The following USH2A variants were observed in gnomAD, a reference collection of about 807,000 sequenced individuals.
The protein encoded by USH2A is usherin, also known as Usher syndrome 2A (autosomal recessive, mild).
A neutral mutation model predicts 538.9 loss-of-function variants in USH2A; 443 were observed. The observed-to-expected ratio is 0.82, with a 90% CI of 0.76 to 0.89. The LOEUF (loss-of-function observed/expected upper bound fraction) is 0.89. Ranked by LOEUF, USH2A falls within the 40% of genes least tolerant of loss-of-function variation. USH2A has a pLI of 0.00. For synonymous variants in USH2A, 2,413 were observed against 2,273.5 expected (o/e 1.06, Z -1.75); for missense variants, 6,633 against 6,324.8 (o/e 1.05, Z -1.65).
chr1:216,251,442 CTTTTTT>C (rs779947689), intron 11 of USH2A, among the ~76,000 whole-genome samples: 1 of 80,386 alleles, frequency 1.2e-5, no homozygotes, highest in African/African-American at 4.4e-5. Flanking sequence ...ACCACTTCCC[CTTTTTT>C]TTTTTTTTTT....
rs574113589 is a variant in USH2A at position 216,158,306 on chromosome 1, G to C, written c.4627+16946C>G. 8.1e-4 allele frequency among the ~76,000 whole-genome samples: 123 copies of C among 152,116 alleles called. 1 individual carries two copies. Among genetic ancestry groups the C allele is most frequent in the Non-Finnish European group, 1.6e-3 (106 of 67,998 alleles). On this transcript the variant is annotated intron_variant, in intron 21 of 71. Transcript: ENST00000307340. ...GCTGGAGTGCAGTGGTGCAATCAAG[G>C]CTCACCGCAGCCTTGAACTCTTGGG...
At chr1:216,219,777 T>C (rs2035419378) in intron 14 of USH2A, among the ~76,000 whole-genome samples, 1 of 152,148 alleles carries the variant, frequency 6.6e-6, no homozygotes, top group African/African-American at 2.4e-5. Flanking sequence ...AAAACCTCGC[T>C]TGCTAAATGG....
At chr1:216,230,558 G>A (rs1256504864) in intron 14 of USH2A, among the ~76,000 whole-genome samples, 2 of 151,978 alleles carry the variant, frequency 1.3e-5, no homozygotes, top group African/African-American at 4.8e-5. Flanking sequence ...AATTTTAAAA[G>A]AAAGTCAAAA....
intron 41 of USH2A, among the ~76,000 whole-genome samples, chr1:215,886,134 C>T (rs1277868172): frequency 1.3e-5 from 2 of 152,158 alleles, no homozygotes; most frequent in African/African-American, 4.8e-5. Context: ...GTTAATATTA[C>T]TGTCAATTTC....
chr1:215,821,687 G>T (rs532624915), intron 47 of USH2A, among the ~76,000 whole-genome samples: 17 of 151,734 alleles, frequency 1.1e-4, no homozygotes, highest in Non-Finnish European at 2.2e-4. Flanking sequence ...CCTTTGCCTA[G>T]ATCATGTCTG....
At chr1:215,941,201 T>C (rs1372166052) in intron 37 of USH2A, among the ~76,000 whole-genome samples, 3 of 152,050 alleles carry the variant, frequency 2.0e-5, no homozygotes, top group Non-Finnish European at 4.4e-5. Context: ...ATCCTAAAAC[T>C]GCTCTAAAAA....
chr1:216,188,477 T>C (rs2034651474), intron 20 of USH2A, among the ~76,000 whole-genome samples: 1 of 151,796 alleles, frequency 6.6e-6, no homozygotes, highest in Non-Finnish European at 1.5e-5. Context: ...ATATGCAGCC[T>C]AAAGGAGAAA....
chr1:216,380,462 G>T (rs187329070), intron 3 of USH2A, among the ~76,000 whole-genome samples: 2 of 152,214 alleles, frequency 1.3e-5, no homozygotes, highest in African/African-American at 2.4e-5. Context: ...GCCAGTGTTT[G>T]TGTGTTTTTC....
At chr1:216,355,362 AGAAAGAAAGAAAGAAG>A (rs1335247682) in intron 4 of USH2A, among the ~76,000 whole-genome samples, 3 of 136,760 alleles carry the variant, frequency 2.2e-5, no homozygotes, top group African/African-American at 7.9e-5. Flanking sequence ...AAAGAAAGAA[AGAAAGAAAGAAAGAAG>A]GAAAGAAACA....
At chr1:216,042,890 C>T (rs1210707213) in intron 32 of USH2A, among the ~76,000 whole-genome samples, 1 of 152,030 alleles carries the variant, frequency 6.6e-6, no homozygotes, top group African/African-American at 2.4e-5. Flanking sequence ...GATGAAGTCA[C>T]CTGAAAGAAA....
At chr1:215,934,045 G>A (rs1378210858) in intron 38 of USH2A, among the ~76,000 whole-genome samples, 2 of 151,962 alleles carry the variant, frequency 1.3e-5, no homozygotes, top group Non-Finnish European at 2.9e-5. Context: ...TATGCAGACT[G>A]TATCACATTT....
rs754162659 is a variant in USH2A at position 216,246,695 on chromosome 1, C to T, written c.2699G>A (p.Cys900Tyr). 8 of 1,614,164 alleles carry T rather than the reference C, an allele frequency of 5.0e-6. No individual in the cohort carries two copies. The highest frequency in any genetic ancestry group is 6.8e-6 in the Non-Finnish European group (8 of 1,179,988). The change falls in exon 13 of 72, where the codon TGT becomes TAT. Residue 900 changes from cysteine to tyrosine, a missense_variant. By Grantham distance (194) the Cys-to-Tyr change is radical. Transcript: ENST00000307340. ...TAATGTCCCCAAGGAATCACACTCACACATCTGGCAGTGTTGAAAATTGTC... is the reference window on the plus strand; with the variant it reads ...TAATGTCCCCAAGGAATCACACTCATACATCTGGCAGTGTTGAAAATTGTC... ...TIDNFQHCQM[C>Y]ECDSLGTLPG...
chr1:216,377,543 C>T (rs1216342095), intron 3 of USH2A, among the ~76,000 whole-genome samples: 3 of 151,998 alleles, frequency 2.0e-5, no homozygotes, highest in African/African-American at 7.2e-5. Flanking sequence ...TTGTTATCAT[C>T]TGAAGAACTT....
At chr1:216,186,750 T>C (rs564468381) in intron 20 of USH2A, among the ~76,000 whole-genome samples, 26 of 151,976 alleles carry the variant, frequency 1.7e-4, no homozygotes, top group African/African-American at 5.8e-4. Context: ...CGAGTTTATT[T>C]CTCCCATCTG....
intron 21 of USH2A, among the ~76,000 whole-genome samples, chr1:216,167,824 T>G (rs948621165): frequency 6.6e-6 from 1 of 152,182 alleles, no homozygotes; most frequent in Admixed American, 6.6e-5. Flanking sequence ...AAATTCTTTC[T>G]TCTGAGAATG....
intron 21 of USH2A, among the ~76,000 whole-genome samples, chr1:216,147,163 C>T (rs888077397): frequency 5.9e-5 from 9 of 151,898 alleles, no homozygotes; most frequent in South Asian, 2.1e-4. Flanking sequence ...CCCCAAGCAT[C>T]GCTGAGTCTT....
intron 11 of USH2A, among the ~76,000 whole-genome samples, chr1:216,252,724 G>T (rs2036186868): frequency 6.6e-6 from 1 of 152,202 alleles, no homozygotes; most frequent in Non-Finnish European, 1.5e-5. Context: ...TGAGAACAAT[G>T]AATTGCCTTC....
intron 37 of USH2A, among the ~76,000 whole-genome samples, 183 bp from the exon 38 acceptor site, chr1:215,934,978 A>G (rs930978461): frequency 2.6e-5 from 4 of 152,078 alleles, no homozygotes; most frequent in Non-Finnish European, 5.9e-5. Context: ...TCTTGTGAAC[A>G]AAAGTGCTAT....
intron 21 of USH2A, among the ~76,000 whole-genome samples, chr1:216,171,983 C>G (rs904333323): frequency 1.3e-5 from 2 of 151,836 alleles, no homozygotes; most frequent in African/African-American, 4.8e-5. Flanking sequence ...GAAAAGGAAG[C>G]AAAAATAGGT....
Sources: gnomAD v4.1 joint callset for allele counts (sites outside exome capture counted in the v4.1 genomes callset) on GRCh38, gnomAD v4.1.1 for gene constraint, MANE v1.5 for transcripts, NCBI Gene and HGNC (gene_info 2026-07-23, HGNC 2026-07-21) for gene names.